MAF: variants seen among roughly 807,000 people sequenced by gnomAD.
MAF encodes MAF bZIP transcription factor.
MAF carries 10 observed loss-of-function variants against 22.0 expected under a neutral mutation model. The ratio of observed to expected loss-of-function variants is 0.45; its 90% CI spans 0.28 to 0.77. The LOEUF (loss-of-function observed/expected upper bound fraction) is 0.77, where lower values mean the gene tolerates loss of function less well. Among genes scored for constraint, MAF ranks in the 30% least tolerant of loss-of-function variants. MAF has a pLI of 0.12. For missense variants in MAF, 544 were observed against 548.4 expected (o/e 0.99, Z 0.08); for synonymous variants, 337 against 255.8 (o/e 1.32, Z -3.03).
At chr16:79,455,387 A>G in the MAF span, among the ~76,000 whole-genome samples, 1 of 152,184 alleles carries the variant, frequency 6.6e-6, no homozygotes, top group Non-Finnish European at 1.5e-5. Context: ...GCTCTGAATA[A>G]AAAATGAACT....
Position 79,600,008 on chromosome 16 carries a change from C to A in MAF, c.-106G>T. ...CCAGCGGGTGAGCCAGCTTGCCGGG[C>A]TGGGGCGCTTCTAGCTTGCGCGGCG... On this transcript the variant is annotated 5_prime_UTR_variant, in exon 1 of 2. Coordinates refer to ENST00000326043, the MANE Select transcript of MAF (RefSeq NM_005360.5). 2 of 1,521,098 alleles carry A rather than the reference C, an allele frequency of 1.3e-6. No homozygotes were observed. Among genetic ancestry groups the A allele is most frequent in the Non-Finnish European group, 1.8e-6 (2 of 1,121,232 alleles). The allele number at this position is 1,521,098 out of a possible 1,614,324, so 94.2% of individuals were successfully genotyped here.
chr16:79,488,165 G>A, the MAF span, among the ~76,000 whole-genome samples: 2 of 152,314 alleles, frequency 1.3e-5, no homozygotes, highest in South Asian at 4.1e-4. Context: ...AGTTAGAAGA[G>A]CACGCAGAGG....
chr16:79,456,165 G>T, the MAF span, among the ~76,000 whole-genome samples: 1 of 152,114 alleles, frequency 6.6e-6, no homozygotes. Flanking sequence ...TCCTAGCATG[G>T]TGCACAGCTG....
At chr16:79,356,665 A>T in the MAF span, among the ~76,000 whole-genome samples, 5 of 152,046 alleles carry the variant, frequency 3.3e-5, no homozygotes, top group African/African-American at 1.2e-4. Flanking sequence ...TGCTGCCTGA[A>T]ACACTTCCCC....
chr16:79,546,683 C>G, the MAF span, among the ~76,000 whole-genome samples: 54 of 152,250 alleles, frequency 3.5e-4, no homozygotes, highest in African/African-American at 1.3e-3. Flanking sequence ...TCTAGTCAAG[C>G]AAGACAGGGA....
the MAF span, among the ~76,000 whole-genome samples, chr16:79,354,742 C>A: frequency 6.6e-6 from 1 of 152,204 alleles, no homozygotes; most frequent in Admixed American, 6.5e-5. Flanking sequence ...ATTAGATCCT[C>A]TCCACTTTGA....
the MAF span, among the ~76,000 whole-genome samples, chr16:79,253,726 G>C: frequency 1.3e-5 from 2 of 152,076 alleles, no homozygotes; most frequent in Non-Finnish European, 2.9e-5. Context: ...CTATTTCTTG[G>C]GGGGACATTT....
the MAF span, chr16:79,202,670 A>C: frequency 0.56 from 84,933 of 152,010 alleles, 24,441 homozygotes; most frequent in Non-Finnish European, 0.63. Flanking sequence ...AGTTTGAGAG[A>C]GTTTTTTCCC....
chr16:79,436,179 T>A, the MAF span, among the ~76,000 whole-genome samples: 1 of 152,124 alleles, frequency 6.6e-6, no homozygotes, highest in African/African-American at 2.4e-5. Flanking sequence ...GCCTCCCAAG[T>A]TCAAACAATT....
At chr16:79,412,302 G>C in the MAF span, among the ~76,000 whole-genome samples, 2 of 152,176 alleles carry the variant, frequency 1.3e-5, no homozygotes, top group Non-Finnish European at 2.9e-5. Flanking sequence ...TGATTACCGT[G>C]GTACCAGGTA....
the MAF span, among the ~76,000 whole-genome samples, chr16:79,392,345 G>A: frequency 6.7e-6 from 1 of 150,006 alleles, no homozygotes; most frequent in African/African-American, 2.5e-5. Context: ...GAGAGAGAAG[G>A]AAGGAGGGAG....
At chr16:79,416,547 A>C in the MAF span, among the ~76,000 whole-genome samples, 2 of 151,290 alleles carry the variant, frequency 1.3e-5, no homozygotes, top group Non-Finnish European at 2.9e-5. Context: ...CATAGAATTG[A>C]ATATTTTTAA....
the MAF span, among the ~76,000 whole-genome samples, chr16:79,489,611 G>A: frequency 6.6e-6 from 1 of 152,346 alleles, no homozygotes; most frequent in Non-Finnish European, 1.5e-5. Context: ...ATCTCAGACT[G>A]AAAGAAAGTG....
chr16:79,285,961 TAC>T, the MAF span, among the ~76,000 whole-genome samples: 1 of 152,170 alleles, frequency 6.6e-6, no homozygotes, highest in Non-Finnish European at 1.5e-5. Context: ...GATGACTCAG[TAC>T]AGTTTGGGTT....
the MAF span, among the ~76,000 whole-genome samples, chr16:79,450,916 T>C: frequency 2.0e-5 from 3 of 152,162 alleles, no homozygotes; most frequent in African/African-American, 7.2e-5. Flanking sequence ...CTCTATTTAT[T>C]ACCATAGCAG....
At chr16:79,567,505 T>TA in the MAF span, among the ~76,000 whole-genome samples, 5 of 152,146 alleles carry the variant, frequency 3.3e-5, no homozygotes, top group Non-Finnish European at 5.9e-5. Context: ...TTTTCTTTTT[T>TA]AAAAAAAGTA....
chr16:79,599,849 G>C lies in MAF; in HGVS notation c.54C>G (p.Ala18=), dbSNP rs375012222. The change falls in exon 1 of 2, where the codon GCC becomes GCG. Residue 18 remains alanine (A), a synonymous_variant. Transcript: ENST00000326043. ...SNSDLPTSPL[A]MEYVNDFDLM... ...GATCGAAGTCATTAACATATTCCAT[G>C]GCCAGGGGACTGGTGGGCAGGTCGG... 7 of 1,610,560 alleles carry C rather than the reference G, an allele frequency of 4.3e-6. No individual in the cohort carries two copies. In the East Asian group the frequency reaches 1.6e-4, roughly 36 times the overall value.
chr16:79,498,603 G>A, the MAF span, among the ~76,000 whole-genome samples: 2 of 152,180 alleles, frequency 1.3e-5, no homozygotes, highest in Non-Finnish European at 2.9e-5. Context: ...AGCTCCTTGA[G>A]ATGGAGGCTA....
the MAF span, among the ~76,000 whole-genome samples, chr16:79,294,556 T>C: frequency 6.6e-6 from 1 of 152,202 alleles, no homozygotes; most frequent in African/African-American, 2.4e-5. Context: ...CGTATTGTAA[T>C]CCCTGGGAAA....
Sources: gnomAD v4.1 joint callset for allele counts (sites outside exome capture counted in the v4.1 genomes callset) on GRCh38, gnomAD v4.1.1 for gene constraint, MANE v1.5 for transcripts, NCBI Gene and HGNC (gene_info 2026-07-23, HGNC 2026-07-21) for gene names.